Variants in CDH4 observed in about 807,000 individuals in gnomAD.
The protein encoded by CDH4 is cadherin 4.
A neutral mutation model predicts 86.0 loss-of-function variants in CDH4; 33 were observed. That is an observed-to-expected ratio of 0.38 (90% CI 0.29 to 0.51). The LOEUF is 0.51. Among genes scored for constraint, CDH4 ranks in the 20% least tolerant of loss-of-function variants. CDH4 has a pLI of 0.86. For missense variants in CDH4, 1,114 were observed against 1,307.4 expected, an observed-to-expected ratio of 0.85 and a Z score of 2.28; for synonymous variants, 555 against 549.4, an observed-to-expected ratio of 1.01 and a Z score of -0.14.
At chr20:61,507,034 A>G (rs993423939) in intron 2 of CDH4, among the ~76,000 whole-genome samples, 2 of 152,224 alleles carry the variant, frequency 1.3e-5, no homozygotes, top group African/African-American at 4.8e-5. Context: ...GTGCAGCTTC[A>G]GTGAAATATG....
At chr20:61,809,851 C>T (rs912574896) in intron 4 of CDH4, among the ~76,000 whole-genome samples, 5 of 152,086 alleles carry the variant, frequency 3.3e-5, no homozygotes, top group African/African-American at 1.2e-4. Context: ...ACGGTGAGGT[C>T]GGAGCACAGC....
intron 7 of CDH4, among the ~76,000 whole-genome samples, chr20:61,887,515 A>G (rs1418600997): frequency 6.6e-6 from 1 of 152,048 alleles, no homozygotes; most frequent in Non-Finnish European, 1.5e-5. Flanking sequence ...AAGCACGCAT[A>G]CACACATGCA....
At chr20:61,331,630 GC>G (rs1568801094) in intron 2 of CDH4, among the ~76,000 whole-genome samples, 2 of 97,000 alleles carry the variant, frequency 2.1e-5, no homozygotes, top group East Asian at 3.0e-4. Context: ...CCCACCTCCT[GC>G]CCCAGACCCA....
chr20:61,613,855 A>AG (rs796178792), intron 2 of CDH4, among the ~76,000 whole-genome samples: 52 of 106,982 alleles, frequency 4.9e-4, no homozygotes, highest in African/African-American at 1.7e-3. Flanking sequence ...AATTGGTGGG[A>AG]GGGGGGGCTT....
chr20:61,730,371 C>A (rs765831471), intron 2 of CDH4, among the ~76,000 whole-genome samples: 1 of 152,142 alleles, frequency 6.6e-6, no homozygotes, highest in African/African-American at 2.4e-5. Flanking sequence ...GTGGCTTTGC[C>A]ATTTTCAGAA....
In CDH4 at chr20:61,936,417, C is replaced by CA. The variant is rs1474778159; in HGVS notation, c.2545-319dup. Among the ~76,000 whole-genome samples the CA allele has an allele frequency of 3.9e-3, 39 of 10,088 alleles. 2 individuals are homozygous for CA. The highest frequency in any genetic ancestry group is 0.014 in the African/African-American group (33 of 2,392). The allele number at this position is 10,088 out of a possible 152,430, so 6.6% of individuals were successfully genotyped here. The stretch of plus-strand genomic sequence containing the variant: ...CCCACACCCCCTCCCCCCTCTCCCA[C>CA]ACCCCCCCCCCCATCTGCCCTTGGG... On this transcript the variant is annotated intron_variant, in intron 15 of 15. Transcript: ENST00000614565.
intron 2 of CDH4, among the ~76,000 whole-genome samples, chr20:61,632,034 G>T (rs1242986224): frequency 6.6e-6 from 1 of 152,246 alleles, no homozygotes; most frequent in Non-Finnish European, 1.5e-5. Context: ...TCGGGATGAT[G>T]CCAGGCTCTG....
rs897891270 is a variant in CDH4 at position 61,818,350 on chromosome 20, C to G, written c.577-26318C>G. ...GATTCTGGGCTTTACTTGGTGAGAACTGCCTTCCAGGTCTCTAGGTCAGAA... is the reference window on the plus strand; with the variant it reads ...GATTCTGGGCTTTACTTGGTGAGAAGTGCCTTCCAGGTCTCTAGGTCAGAA... On this transcript the variant is annotated intron_variant, in intron 4 of 15. Transcript: ENST00000614565. Among the ~76,000 whole-genome samples the G allele has an allele frequency of 3.3e-5, 5 of 152,316 alleles. No homozygotes were observed. In the East Asian group the frequency reaches 7.8e-4, roughly 24 times the overall value.
intron 2 of CDH4, among the ~76,000 whole-genome samples, chr20:61,468,775 G>A (rs1600699112): frequency 1.3e-5 from 2 of 152,210 alleles, no homozygotes; most frequent in African/African-American, 2.4e-5. Context: ...TTGTTTGAAT[G>A]TTTAACTCCC....
rs756845197 is a variant in CDH4, at chr20:61,928,306, G to T, written c.1888G>T (p.Ala630Ser). 3.1e-6 allele frequency: 5 copies of T among 1,610,724 alleles called. No homozygotes were observed. In the East Asian group the frequency reaches 1.1e-4, roughly 36 times the overall value. ...AQICEKPNLN[A>S]INITAADADV... is the part of the protein sequence containing the mutation. ...GATCTGCGAGAAGCCCAACCTGAAC[G>T]CCATCAACATCACGGCGGCCGACGC... Residue 630 changes from alanine (A) to serine (S), a missense_variant, in exon 12 of 16, where the codon GCC becomes TCC. Ala to Ser is a moderately conservative substitution (Grantham distance 99). Transcript: ENST00000614565.
chr20:61,374,418 G>C (rs1463749792), intron 2 of CDH4, among the ~76,000 whole-genome samples: 4 of 152,154 alleles, frequency 2.6e-5, no homozygotes, highest in East Asian at 3.9e-4. Context: ...AGTCCTGAGA[G>C]GGTCTGGGAG....
chr20:61,332,255 C>T (rs759669855), intron 2 of CDH4, among the ~76,000 whole-genome samples: 13 of 152,190 alleles, frequency 8.5e-5, no homozygotes, highest in African/African-American at 2.4e-4. Flanking sequence ...GTGGGCGGAG[C>T]GGTGACGGGT....
chr20:61,465,757 G>T (rs1053321265), intron 2 of CDH4, among the ~76,000 whole-genome samples: 2 of 152,096 alleles, frequency 1.3e-5, no homozygotes, highest in Non-Finnish European at 2.9e-5. Context: ...TGCTTGCAAA[G>T]GTTGCTTTCA....
intron 2 of CDH4, among the ~76,000 whole-genome samples, chr20:61,394,152 A>G (rs1216920599): frequency 6.6e-6 from 1 of 152,182 alleles, no homozygotes; most frequent in Non-Finnish European, 1.5e-5. Context: ...AGGTTCAGCC[A>G]GTCATTCCTG....
rs564851563 is a variant in CDH4 at position 61,403,642 on chromosome 20, G to A, written c.169+148705G>A. ...GTTTCTGCCTGGACCTCAGGCATGC[G>A]GCATTATTCTCCAGAAGGCCGTGTG... is the stretch of plus-strand genomic sequence containing the variant. On this transcript the variant is annotated intron_variant, in intron 2 of 15. Coordinates refer to ENST00000614565, the MANE Select transcript of CDH4 (RefSeq NM_001794.5). Among the ~76,000 whole-genome samples the A allele has an allele frequency of 3.3e-5, 5 of 152,254 alleles. No homozygotes were observed. The South Asian group carries it at 6.2e-4, about 19-fold the overall frequency.
intron 2 of CDH4, among the ~76,000 whole-genome samples, chr20:61,404,633 A>G (rs1430890741): frequency 1.3e-5 from 2 of 152,116 alleles, no homozygotes; most frequent in African/African-American, 4.8e-5. Flanking sequence ...TCTTAAGGCC[A>G]AATTTCCCAT....
chr20:61,365,794 C>A (rs1008880730), intron 2 of CDH4, among the ~76,000 whole-genome samples: 1 of 152,030 alleles, frequency 6.6e-6, no homozygotes, highest in Non-Finnish European at 1.5e-5. Context: ...TGGGGCATGG[C>A]CTTTGAGAAC....
chr20:61,324,603 G>T (rs1568797850), intron 2 of CDH4, among the ~76,000 whole-genome samples: 1 of 152,164 alleles, frequency 6.6e-6, no homozygotes, highest in Admixed American at 6.5e-5. Flanking sequence ...AGCAGTCATG[G>T]GGTTAGGACT....
chr20:61,495,922 AAG>A (rs2085658856), intron 2 of CDH4, among the ~76,000 whole-genome samples: 1 of 151,198 alleles, frequency 6.6e-6, no homozygotes, highest in African/African-American at 2.4e-5. Flanking sequence ...AAAAAAAAAA[AAG>A]AGTCTAGTGC....
Sources: gnomAD v4.1 joint callset for allele counts (sites outside exome capture counted in the v4.1 genomes callset) on GRCh38, gnomAD v4.1.1 for gene constraint, MANE v1.5 for transcripts, NCBI Gene and HGNC (gene_info 2026-07-23, HGNC 2026-07-21) for gene names.